TNIP1: variants seen among roughly 807,000 people sequenced by gnomAD.
TNIP1 encodes the protein TNFAIP3-interacting protein 1.
In TNIP1, 22 loss-of-function variants were observed where a neutral mutation model predicts 86.6. The observed-to-expected ratio is 0.25, with a 90% CI of 0.18 to 0.36. The LOEUF (loss-of-function observed/expected upper bound fraction) is 0.36, where lower values mean the gene tolerates loss of function less well. Among genes scored for constraint, TNIP1 ranks in the 10% least tolerant of loss-of-function variants. The pLI, the probability that TNIP1 is intolerant of heterozygous loss-of-function variation, is 1.00. For synonymous variants in TNIP1, 294 were observed against 313.0 expected (o/e 0.94, Z 0.64); for missense variants, 709 against 820.6 (o/e 0.86, Z 1.66).
rs778159697 is a variant in TNIP1 at position 151,032,338 on chromosome 5, T to C, written c.1825A>G (p.Asn609Asp). The C allele has an allele frequency of 6.2e-7, 1 of 1,614,078 alleles. No homozygotes were observed. Among genetic ancestry groups the C allele is most frequent in the South Asian group, 1.1e-5 (1 of 91,078 alleles). ...RLPCGGVRNP[N>D]QSSQVMDPPT... is the part of the protein sequence containing the mutation. ...GGGTCCATCACTTGGGAGCTCTGAT[T>C]TGGATTTCGAACCCCTCCACAGGGT... Residue 609 changes from asparagine (N) to aspartate (D), a missense_variant, in exon 17 of 18, where the codon AAT becomes GAT. Coordinates refer to ENST00000521591, the MANE Select transcript of TNIP1 (RefSeq NM_006058.5).
intron 11 of TNIP1, among the ~76,000 whole-genome samples, chr5:151,040,750 C>T (rs1369930452): frequency 1.3e-5 from 2 of 152,218 alleles, no homozygotes; most frequent in African/African-American, 4.8e-5. Context: ...AATAAGGCCC[C>T]TGGTGTCCCA....
At chr5:151,035,412 C>T (rs1757567720) in intron 14 of TNIP1, among the ~76,000 whole-genome samples, 170 bp downstream of exon 14, 1 of 152,188 alleles carries the variant, frequency 6.6e-6, no homozygotes, top group Admixed American at 6.5e-5. Flanking sequence ...CGTAATTGTA[C>T]AAAGAAAGAG....
At chr5:151,043,061 G>T (rs1758659707) in intron 9 of TNIP1, 100 bp from the exon 10 acceptor site, 2 of 1,227,978 alleles carry the variant, frequency 1.6e-6, no homozygotes, top group Non-Finnish European at 2.4e-6. Context: ...TGTGCTCGGT[G>T]TGTGTGAATA....
chr5:151,075,931 C>T (rs73272847), intron 1 of TNIP1, among the ~76,000 whole-genome samples: 13,732 of 152,280 alleles, frequency 0.09, 1,390 homozygotes, highest in African/African-American at 0.25. Flanking sequence ...CTACACCCAC[C>T]TACCCCACAC....
Position 151,030,601 on chromosome 5 carries a change from CT to C in TNIP1, c.*111del. On this transcript the variant is annotated 3_prime_UTR_variant, in exon 18 of 18. Coordinates refer to ENST00000521591, the MANE Select transcript of TNIP1 (RefSeq NM_006058.5). ...ACAAGCTGGCCACCCATCTCAGCCT[CT>C]CATCCAGCTGAGGCTCTGGCCACAC... is the stretch of plus-strand genomic sequence containing the variant. The C allele has an allele frequency of 6.4e-7, 1 of 1,560,246 alleles. No individual in the cohort carries two copies. Among genetic ancestry groups the C allele is most frequent in the Non-Finnish European group, 8.7e-7 (1 of 1,143,130 alleles).
At chr5:151,061,136 C>T (rs1421499072) in intron 4 of TNIP1, among the ~76,000 whole-genome samples, 2 of 152,226 alleles carry the variant, frequency 1.3e-5, no homozygotes, top group Non-Finnish European at 2.9e-5. Context: ...ATTCAACCAA[C>T]CAAGAAGCCA....
chr5:151,081,394 A>AGGCCAGAACAGGGAGGGGACC (rs1764014235), upstream of TNIP1, among the ~76,000 whole-genome samples: 2 of 151,896 alleles, frequency 1.3e-5, no homozygotes, highest in African/African-American at 2.4e-5. Flanking sequence ...AGGGGAACAC[A>AGGCCAGAACAGGGAGGGGACC]GGCCAGAACA....
intron 2 of TNIP1, 44 bp downstream of exon 2, chr5:151,064,916 T>TGCAGGGAGGGGCGCTC: frequency 6.2e-7 from 1 of 1,612,584 alleles, no homozygotes; most frequent in East Asian, 2.2e-5. Context: ...CATCACAGTC[T>TGCAGGGAGGGGCGCTC]GCAGGGAGGG....
chr5:151,042,562 T>C lies in TNIP1; in HGVS notation c.1112A>G (p.Lys371Arg). The C allele has an allele frequency of 6.2e-7, 1 of 1,613,442 alleles. No individual in the cohort carries two copies. Among genetic ancestry groups the C allele is most frequent in the Non-Finnish European group, 8.5e-7 (1 of 1,180,016 alleles). The part of the protein sequence containing the change: ...RDFDRKLLLA[K>R]SKIEMEETDK... ...TGCCTCCTCCATTTCAATCTTGGAC[T>C]TGGCCAGGAGGAGCTTGCGGTCAAA... The change falls in exon 11 of 18, where the codon AAG becomes AGG. Residue 371 changes from lysine to arginine, a missense_variant. By Grantham distance (26) the Lys-to-Arg change is conservative (BLOSUM62 2). Transcript: ENST00000521591.
rs1304315960 is a variant in TNIP1, at chr5:151,036,719, C to T, written c.1395+71G>A. On this transcript the variant is annotated intron_variant, in intron 13 of 17. Transcript: ENST00000521591. The stretch of plus-strand genomic sequence containing the variant: ...TTACAGGTTCCATGTGATTCCAAGC[C>T]GTCTGGGCCCTCAGGAAAGCTCCAG... The T allele has an allele frequency of 4.1e-5, 66 of 1,607,106 alleles. 1 individual carries two copies. In the East Asian group the frequency reaches 6.3e-4, roughly 15 times the overall value.
upstream of TNIP1, among the ~76,000 whole-genome samples, chr5:151,081,660 C>T (rs1764037224): frequency 6.6e-6 from 1 of 152,190 alleles, no homozygotes; most frequent in South Asian, 2.1e-4. Context: ...CGCACAATCA[C>T]GCTAGGGAGG....
In TNIP1 at chr5:151,066,701, T is replaced by C. The variant is rs1184716408; in HGVS notation, c.-36-1570A>G. Among the ~76,000 whole-genome samples the C allele has an allele frequency of 2.0e-5, 3 of 152,180 alleles. No individual in the cohort carries two copies. The East Asian group carries it at 5.8e-4, about 29-fold the overall frequency. On this transcript the variant is annotated intron_variant, in intron 1 of 17. Coordinates refer to ENST00000521591, the MANE Select transcript of TNIP1 (RefSeq NM_006058.5). ...AACATGCATACTAATCTCATCTGCA[T>C]TTTACAAGGGAGAAACTGAGGCTCA...
chr5:151,076,823 G>A (rs535691848), intron 1 of TNIP1, among the ~76,000 whole-genome samples: 17 of 152,302 alleles, frequency 1.1e-4, no homozygotes, highest in East Asian at 1.9e-4. Context: ...TCGGGGTCAC[G>A]CAGAGGGGCA....
Position 151,042,712 on chromosome 5 carries a change from T to A in TNIP1, c.1003-41A>T, listed in dbSNP as rs371297712. The A allele has an allele frequency of 4.3e-6, 7 of 1,611,220 alleles. No individual in the cohort carries two copies. In the African/African-American group the frequency reaches 6.7e-5, roughly 15 times the overall value. On this transcript the variant is annotated intron_variant, in intron 10 of 17. Coordinates refer to ENST00000521591, the MANE Select transcript of TNIP1 (RefSeq NM_006058.5). ...GAGAGGAGTGTGTGAGGCAAGGATG[T>A]AGAGCACTTGCAGGATGTGGGCAGG...
At chr5:151,039,371 G>T in intron 11 of TNIP1, 146 bp from the exon 12 acceptor site, 1 of 775,244 alleles carries the variant, frequency 1.3e-6, no homozygotes, top group Non-Finnish European at 1.9e-6. Context: ...GGTCGGTACA[G>T]TAATGTCCAT....
chr5:151,051,665 C>A (rs887533847), intron 7 of TNIP1, among the ~76,000 whole-genome samples: 1 of 152,220 alleles, frequency 6.6e-6, no homozygotes, highest in Admixed American at 6.5e-5. Context: ...GCTCCTAGGT[C>A]TTGCCTAAGA....
intron 1 of TNIP1, among the ~76,000 whole-genome samples, chr5:151,070,632 G>A (rs1255541623): frequency 6.6e-6 from 1 of 152,094 alleles, no homozygotes. Context: ...TGCTGTAAAG[G>A]GCAATATCCT....
At chr5:151,054,403 G>A (rs1028477392) in intron 6 of TNIP1, among the ~76,000 whole-genome samples, 1 of 152,164 alleles carries the variant, frequency 6.6e-6, no homozygotes, top group East Asian at 1.9e-4. Flanking sequence ...AGAACCAGCT[G>A]GGCATGGTGG....
intron 3 of TNIP1, among the ~76,000 whole-genome samples, chr5:151,063,056 T>C (rs1303042598): frequency 1.3e-5 from 2 of 152,162 alleles, no homozygotes; most frequent in Non-Finnish European, 2.9e-5. Flanking sequence ...CTACCATACA[T>C]GGGACTTCAA....
Sources: allele counts gnomAD v4.1 joint callset (sites outside exome capture counted in the v4.1 genomes callset), GRCh38; gene constraint gnomAD v4.1.1; transcripts MANE v1.5; gene names NCBI Gene and HGNC (gene_info 2026-07-23, HGNC 2026-07-21).